The following ANKRD30B variants were observed in gnomAD, a reference collection of about 807,000 sequenced individuals.
The protein encoded by ANKRD30B is ankyrin repeat domain 30B, also known as ankyrin repeat domain-containing protein 30B.
In ANKRD30B, 144 loss-of-function variants were observed where a neutral mutation model predicts 202.2. The ratio of observed to expected loss-of-function variants is 0.71; its 90% CI spans 0.62 to 0.82. ANKRD30B has a LOEUF of 0.82. Among genes scored for constraint, ANKRD30B ranks in the 40% least tolerant of loss-of-function variants. ANKRD30B has a pLI of 0.00. For missense variants in ANKRD30B, 1,487 were observed against 1,669.1 expected (o/e 0.89, Z 1.90); for synonymous variants, 508 against 561.3 (o/e 0.91, Z 1.34).
intron 14 of ANKRD30B, among the ~76,000 whole-genome samples, chr18:14,786,195 T>A (rs1288018738): frequency 9.9e-5 from 15 of 152,210 alleles, no homozygotes; most frequent in African/African-American, 2.9e-4. Context: ...TAATTTGTAC[T>A]TTTTGCTGAT....
chr18:14,873,511 C>T, the ANKRD30B span, among the ~76,000 whole-genome samples: 5 of 108,360 alleles, frequency 4.6e-5, no homozygotes, highest in African/African-American at 1.9e-4. Context: ...GGTGACAGAG[C>T]AAGACTCCGT....
chr18:14,785,906 C>A lies in ANKRD30B; in HGVS notation c.1673-1133C>A, dbSNP rs559545148. On this transcript the variant is annotated intron_variant, in intron 14 of 43. Coordinates refer to ENST00000690538, the MANE Select transcript of ANKRD30B (RefSeq NM_001367607.2). ...ACAAAAAATTAGCCGGGTGCGGTGG[C>A]GGGCGCCTGTAGTCCCAGCTACTCG... 3.6e-4 allele frequency among the ~76,000 whole-genome samples: 55 copies of A among 152,006 alleles called. 1 individual carries two copies. Among genetic ancestry groups the A allele is most frequent in the Admixed American group, 8.5e-4 (13 of 15,268 alleles).
chr18:14,792,169 C>G (rs1198615038), intron 16 of ANKRD30B, among the ~76,000 whole-genome samples: 1 of 152,170 alleles, frequency 6.6e-6, no homozygotes, highest in Admixed American at 6.5e-5. Flanking sequence ...TGTGATTCAG[C>G]CGACTAGGGA....
chr18:14,892,742 C>CAAAAAAAAAAAAAAA, the ANKRD30B span, among the ~76,000 whole-genome samples: 3 of 72,924 alleles, frequency 4.1e-5, no homozygotes, highest in East Asian at 4.7e-4. Context: ...TCTGTTTCAC[C>CAAAAAAAAAAAAAAA]AAAAAAAAAA....
intron 16 of ANKRD30B, among the ~76,000 whole-genome samples, chr18:14,791,996 A>G (rs1400896610): frequency 6.6e-6 from 1 of 152,142 alleles, no homozygotes. Flanking sequence ...GCCATTAGGG[A>G]TGGAAGCAGC....
At chr18:14,904,339 T>C in the ANKRD30B span, among the ~76,000 whole-genome samples, 6 of 152,238 alleles carry the variant, frequency 3.9e-5, no homozygotes, top group African/African-American at 1.2e-4. Context: ...TGGCTCCTGG[T>C]CTAACCTAAT....
chr18:14,882,910 T>C, the ANKRD30B span, among the ~76,000 whole-genome samples: 1 of 152,224 alleles, frequency 6.6e-6, no homozygotes, highest in South Asian at 2.1e-4. Context: ...TTTTGTCTCA[T>C]ATGAGAATAG....
chr18:14,820,100 A>G (rs1334692242), intron 30 of ANKRD30B, among the ~76,000 whole-genome samples: 1 of 152,040 alleles, frequency 6.6e-6, no homozygotes, highest in African/African-American at 2.4e-5. Context: ...TTGGATTCCT[A>G]TTTATTTTAT....
intron 6 of ANKRD30B, 64 bp from the exon 7 acceptor site, chr18:14,763,622 A>T: frequency 6.3e-7 from 1 of 1,578,064 alleles, no homozygotes; most frequent in Non-Finnish European, 8.6e-7. Flanking sequence ...GAAGTTTGCC[A>T]GGTGAAGTCA....
downstream of ANKRD30B, among the ~76,000 whole-genome samples, chr18:14,855,977 G>A (rs1972096702): frequency 1.4e-5 from 2 of 144,610 alleles, no homozygotes; most frequent in Admixed American, 6.9e-5. Flanking sequence ...ATGGGCAGCT[G>A]GGCAAAGGCG....
the ANKRD30B span, among the ~76,000 whole-genome samples, chr18:14,873,631 T>C: frequency 3.9e-5 from 6 of 152,128 alleles, no homozygotes; most frequent in African/African-American, 1.2e-4. Flanking sequence ...GGGCAAATTG[T>C]TTCAGTTCTC....
chr18:14,756,617 G>A (rs1914410582), intron 4 of ANKRD30B, among the ~76,000 whole-genome samples: 2 of 150,006 alleles, frequency 1.3e-5, no homozygotes, highest in Non-Finnish European at 1.5e-5. Flanking sequence ...ATATTTGCTG[G>A]GCATGGTAGT....
chr18:14,773,179 T>C (rs1385283746), intron 9 of ANKRD30B, among the ~76,000 whole-genome samples: 2 of 152,200 alleles, frequency 1.3e-5, no homozygotes, highest in African/African-American at 4.8e-5. Flanking sequence ...TAAATTGCAG[T>C]TTTTAAATAT....
intron 40 of ANKRD30B, 47 bp from the exon 41 acceptor site, chr18:14,850,167 C>T: frequency 4.9e-6 from 6 of 1,219,768 alleles, no homozygotes; most frequent in South Asian, 1.7e-5. Context: ...AAAGTGAATT[C>T]TATTTTCTAA....
chr18:14,935,604 G>T, the ANKRD30B span, among the ~76,000 whole-genome samples: 1 of 152,210 alleles, frequency 6.6e-6, no homozygotes, highest in African/African-American at 2.4e-5. Context: ...TCTTGCAAAT[G>T]TGTGTGTGTG....
Position 14,769,215 on chromosome 18 carries a change from T to C in ANKRD30B, c.1226-128T>C, listed in dbSNP as rs984916336. On this transcript the variant is annotated intron_variant, in intron 7 of 43. Transcript: ENST00000690538. ...GACTCCTGGGCTCCTCAGGCGATCCTCCTGCCTCACCTTCCCAAGTAGCTG... is the reference window on the plus strand; with the variant it reads ...GACTCCTGGGCTCCTCAGGCGATCCCCCTGCCTCACCTTCCCAAGTAGCTG... 3 of 659,852 alleles carry C rather than the reference T, an allele frequency of 4.5e-6. No homozygotes were observed. In the African/African-American group the frequency reaches 5.5e-5, roughly 12 times the overall value. The allele number at this position is 659,852 out of a possible 1,614,324, so 40.9% of individuals were successfully genotyped here. A position where few individuals can be genotyped will look rare whatever the true frequency, so the allele number is the denominator to read the frequency against.
Position 14,806,046 on chromosome 18 carries a change from C to T in ANKRD30B, c.2284+2222C>T, listed in dbSNP as rs560923397. ...CCATCCTGGCTAACACGGTGAAACC[C>T]CATCTCTAATAAAAATACAAAAAAT... On this transcript the variant is annotated intron_variant, in intron 24 of 43. Transcript: ENST00000690538. 8.0e-5 allele frequency among the ~76,000 whole-genome samples: 12 copies of T among 149,890 alleles called. No homozygotes were observed. The South Asian group carries it at 2.6e-3, about 32-fold the overall frequency.
intron 16 of ANKRD30B, among the ~76,000 whole-genome samples, chr18:14,794,887 GA>G (rs1968769049): frequency 6.6e-6 from 1 of 152,054 alleles, no homozygotes; most frequent in African/African-American, 2.4e-5. Context: ...ACAAAGTAGA[GA>G]AAAATGAGAG....
intron 43 of ANKRD30B, among the ~76,000 whole-genome samples, 32 bp downstream of exon 43, chr18:14,853,975 T>C (rs1971990094): frequency 6.6e-6 from 1 of 152,186 alleles, no homozygotes; most frequent in South Asian, 2.1e-4. Context: ...GGAAATGATT[T>C]CAAATCAAAA....
Sources: allele counts gnomAD v4.1 joint callset (sites outside exome capture counted in the v4.1 genomes callset), GRCh38; gene constraint gnomAD v4.1.1; transcripts MANE v1.5; gene names NCBI Gene and HGNC (gene_info 2026-07-23, HGNC 2026-07-21).